TAOK1: variants seen among roughly 807,000 people sequenced by gnomAD.
TAOK1 encodes the protein TAO kinase 1.
In TAOK1, 21 loss-of-function variants were observed where a neutral mutation model predicts 138.3. That is an observed-to-expected ratio of 0.15 (90% CI 0.11 to 0.22). The LOEUF is 0.22. Ranked by LOEUF, TAOK1 falls within the 10% of genes least tolerant of loss-of-function variation. TAOK1 has a pLI of 1.00. For synonymous variants in TAOK1, 361 were observed against 398.4 expected, an observed-to-expected ratio of 0.91 and a Z score of 1.12; for missense variants, 651 against 1,227.7, an observed-to-expected ratio of 0.53 and a Z score of 7.02.
At chr17:29,399,566 T>C (rs372043363) in intron 1 of TAOK1, among the ~76,000 whole-genome samples, 15 of 152,066 alleles carry the variant, frequency 9.9e-5, no homozygotes, top group Middle Eastern at 3.4e-3. Flanking sequence ...CTGCCCGCCT[T>C]GGCCTCCCAA....
intron 2 of TAOK1, among the ~76,000 whole-genome samples, chr17:29,456,141 G>T (rs1836152336): frequency 2.0e-5 from 3 of 150,152 alleles, no homozygotes; most frequent in South Asian, 4.2e-4. Flanking sequence ...TGAGGTCAGG[G>T]GTTCGAGACC....
intron 2 of TAOK1, among the ~76,000 whole-genome samples, chr17:29,466,553 C>T (rs1205086346): frequency 6.6e-6 from 1 of 152,140 alleles, no homozygotes; most frequent in African/African-American, 2.4e-5. Context: ...TGGTACCTAA[C>T]TTTCAATTTT....
intron 12 of TAOK1, among the ~76,000 whole-genome samples, chr17:29,501,221 T>TAAAAA (rs66503222): frequency 5.0e-5 from 6 of 120,608 alleles, no homozygotes; most frequent in East Asian, 2.6e-4. Flanking sequence ...CCCATCTGTT[T>TAAAAA]AAAAAAAAAA....
chr17:29,409,550 G>T (rs1366433492), intron 1 of TAOK1, among the ~76,000 whole-genome samples: 1 of 151,368 alleles, frequency 6.6e-6, no homozygotes, highest in South Asian at 2.1e-4. Context: ...AGTCAGGATG[G>T]TCTCGATTTC....
At chr17:29,510,827 T>C in intron 14 of TAOK1, 37 bp from the exon 15 acceptor site, 1 of 1,486,958 alleles carries the variant, frequency 6.7e-7, no homozygotes, top group Non-Finnish European at 9.0e-7. Context: ...CTTTATCTAC[T>C]TAACTAAATT....
intron 4 of TAOK1, 28 bp downstream of exon 4, chr17:29,475,799 GT>G: frequency 6.4e-7 from 1 of 1,555,548 alleles, no homozygotes; most frequent in Non-Finnish European, 8.9e-7. Flanking sequence ...CCTTGTTGCA[GT>G]TTTAGCTGAT....
chr17:29,489,890 TACCCTTTTA>T, intron 9 of TAOK1, 133 bp downstream of exon 9: 4 of 502,992 alleles, frequency 8.0e-6, no homozygotes, highest in Non-Finnish European at 1.3e-5. Context: ...AGATGTATTT[TACCCTTTTA>T]AATATATTTA....
intron 12 of TAOK1, among the ~76,000 whole-genome samples, chr17:29,500,087 G>A (rs2031495507): frequency 6.6e-6 from 1 of 152,116 alleles, no homozygotes; most frequent in Admixed American, 6.5e-5. Context: ...GCTGAGGCGG[G>A]CAGATTGCTT....
chr17:29,431,057 T>C (rs2153022628), intron 1 of TAOK1, among the ~76,000 whole-genome samples: 1 of 152,328 alleles, frequency 6.6e-6, no homozygotes, highest in East Asian at 1.9e-4. Flanking sequence ...AAACCTGCTC[T>C]GTTCTAGAAT....
At chr17:29,520,632 C>G (rs1412272518) in intron 16 of TAOK1, among the ~76,000 whole-genome samples, 2 of 151,780 alleles carry the variant, frequency 1.3e-5, no homozygotes, top group Non-Finnish European at 2.9e-5. Context: ...CCAGGTTGGT[C>G]TCGAACTCCT....
At chr17:29,411,962 G>A (rs117073286) in intron 1 of TAOK1, among the ~76,000 whole-genome samples, 3,085 of 151,866 alleles carry the variant, frequency 0.02, 45 homozygotes, top group Non-Finnish European at 0.032. Flanking sequence ...ATCTTTGATT[G>A]ACCCCTCCAT....
At chr17:29,424,903 G>C (rs1378507961) in intron 1 of TAOK1, 1 of 151,952 alleles carries the variant, frequency 6.6e-6, no homozygotes, top group East Asian at 1.9e-4. Flanking sequence ...AACAATTTTG[G>C]GGGGATTGTC....
intron 1 of TAOK1, among the ~76,000 whole-genome samples, chr17:29,436,864 G>C (rs1906046101): frequency 6.6e-6 from 1 of 152,178 alleles, no homozygotes; most frequent in East Asian, 1.9e-4. Context: ...AGACACTTCA[G>C]GGGCCCTCTG....
At chr17:29,486,796 A>G (rs969483030) in intron 8 of TAOK1, among the ~76,000 whole-genome samples, 5 of 152,220 alleles carry the variant, frequency 3.3e-5, no homozygotes, top group Non-Finnish European at 5.9e-5. Context: ...CTAGTTTGAT[A>G]TATTGACGGT....
intron 9 of TAOK1, among the ~76,000 whole-genome samples, chr17:29,491,322 A>T (rs1198677598): frequency 6.6e-6 from 1 of 152,190 alleles, no homozygotes; most frequent in Non-Finnish European, 1.5e-5. Flanking sequence ...AGGGGCACCA[A>T]ATACTCAGGT....
At chr17:29,509,856 G>A (rs988161694) in intron 14 of TAOK1, among the ~76,000 whole-genome samples, 4 of 151,528 alleles carry the variant, frequency 2.6e-5, no homozygotes, top group African/African-American at 9.7e-5. Context: ...TTGTACCACT[G>A]CACTCCAGCC....
At chr17:29,541,771 G>A (rs561916128) in intron 19 of TAOK1, among the ~76,000 whole-genome samples, 2 of 150,190 alleles carry the variant, frequency 1.3e-5, no homozygotes, top group African/African-American at 2.5e-5. Flanking sequence ...GCAAGACTCC[G>A]TCTCAAAAAA....
chr17:29,497,858 A>G (rs1414082782), intron 11 of TAOK1, among the ~76,000 whole-genome samples: 1 of 152,054 alleles, frequency 6.6e-6, no homozygotes, highest in African/African-American at 2.4e-5. Flanking sequence ...TTTTTTTTAA[A>G]TGCTCCTTAT....
Position 29,534,095 on chromosome 17 carries a change from T to C in TAOK1, c.2362-23T>C, listed in dbSNP as rs10451296. 4,986 of 1,429,296 alleles carry C rather than the reference T, an allele frequency of 3.5e-3. 71 individuals are homozygous for C. The African/African-American group carries it at 0.059, about 17-fold the overall frequency. 88.5% of individuals were successfully genotyped at this position (1,429,296 alleles called of 1,614,324 possible). ...TAACATTAGGATATATCTTTTTTTT[T>C]TCTCTCTCTCTCTCTGTCTCAGCTG... On this transcript the variant is annotated intron_variant, in intron 18 of 19. Coordinates refer to ENST00000261716, the MANE Select transcript of TAOK1 (RefSeq NM_020791.4).
Sources: gnomAD v4.1 joint callset for allele counts (sites outside exome capture counted in the v4.1 genomes callset) on GRCh38, gnomAD v4.1.1 for gene constraint, MANE v1.5 for transcripts, NCBI Gene and HGNC (gene_info 2026-07-23, HGNC 2026-07-21) for gene names.